NCAM2: variants seen among roughly 807,000 people sequenced by gnomAD.
The protein encoded by NCAM2 is N-CAM-2.
NCAM2 carries 30 observed loss-of-function variants against 98.1 expected under a neutral mutation model. The ratio of observed to expected loss-of-function variants is 0.31; its 90% confidence interval spans 0.23 to 0.41. The LOEUF is 0.41. NCAM2 is among the 10% of genes least tolerant of loss of function. The pLI, the probability that NCAM2 is intolerant of heterozygous loss-of-function variation, is 1.00. For synonymous variants in NCAM2, 368 were observed against 342.4 expected (o/e 1.07, Z -0.83); for missense variants, 867 against 1,005.8 (o/e 0.86, Z 1.87).
chr21:21,390,449 A>G (rs1463855608), intron 9 of NCAM2, among the ~76,000 whole-genome samples: 1 of 152,096 alleles, frequency 6.6e-6, no homozygotes, highest in Non-Finnish European at 1.5e-5. Context: ...TTTGCTTCAG[A>G]GCTGAGAATA....
At chr21:21,502,247 ACT>A (rs1465198231) in intron 15 of NCAM2, among the ~76,000 whole-genome samples, 1 of 151,804 alleles carries the variant, frequency 6.6e-6, no homozygotes, top group African/African-American at 2.4e-5. Context: ...ATTTTTTGAA[ACT>A]CTAAAGAACA....
At chr21:21,311,312 A>G (rs551347533) in intron 5 of NCAM2, among the ~76,000 whole-genome samples, 1 of 151,198 alleles carries the variant, frequency 6.6e-6, no homozygotes, top group South Asian at 2.1e-4. Flanking sequence ...ACTTTATGCA[A>G]AAGATGGTTA....
At chr21:21,244,149 T>G (rs1305919839) in intron 1 of NCAM2, among the ~76,000 whole-genome samples, 1 of 152,134 alleles carries the variant, frequency 6.6e-6, no homozygotes, top group East Asian at 1.9e-4. Flanking sequence ...TGGCAAGTCC[T>G]TGAACAAGGA....
Position 21,175,871 on chromosome 21 carries a change from T to C in NCAM2, c.56-104707T>C, listed in dbSNP as rs968193549. Among the ~76,000 whole-genome samples the C allele has an allele frequency of 4.1e-4, 63 of 152,194 alleles. 2 individuals carry two copies. Among genetic ancestry groups the C allele is most frequent in the African/African-American group, 2.4e-5 (1 of 41,456 alleles). On this transcript the variant is annotated intron_variant, in intron 1 of 17. Coordinates refer to ENST00000400546, the MANE Select transcript of NCAM2 (RefSeq NM_004540.5). ...GATTCCTAAAATGAATAACCTAACATTTCCATCTGATCCCCAAAACAACCA... is the reference window on the plus strand; with the variant it reads ...GATTCCTAAAATGAATAACCTAACACTTCCATCTGATCCCCAAAACAACCA...
chr21:21,079,279 G>T (rs9653677), intron 1 of NCAM2, among the ~76,000 whole-genome samples: 5,635 of 150,744 alleles, frequency 0.037, 329 homozygotes, highest in African/African-American at 0.13. Context: ...TTTCATCTTA[G>T]AGATGATTTT....
At chr21:21,084,728 A>G (rs896866697) in intron 1 of NCAM2, among the ~76,000 whole-genome samples, 8 of 152,050 alleles carry the variant, frequency 5.3e-5, no homozygotes, top group African/African-American at 1.9e-4. Context: ...AGGGAATGTT[A>G]TTTTTTCCCC....
At chr21:21,246,885 A>T (rs2071290281) in intron 1 of NCAM2, among the ~76,000 whole-genome samples, 1 of 152,202 alleles carries the variant, frequency 6.6e-6, no homozygotes, top group Non-Finnish European at 1.5e-5. Context: ...ATAGCTAGTG[A>T]GTGGCTAGTA....
chr21:21,265,495 TAA>T (rs2072227787), intron 1 of NCAM2, among the ~76,000 whole-genome samples: 2 of 142,006 alleles, frequency 1.4e-5, no homozygotes, highest in Admixed American at 1.4e-4. Flanking sequence ...TACACATATA[TAA>T]TATATGTGTG....
Position 21,335,606 on chromosome 21 carries a change from T to A in NCAM2, c.839T>A (p.Val280Asp). The A allele has an allele frequency of 3.7e-6, 6 of 1,611,688 alleles. No homozygotes were observed. The highest frequency in any genetic ancestry group is 5.1e-6 in the Non-Finnish European group (6 of 1,178,800). ...ATCAATAGTGATGGTGGTCCTTATG[T>A]CTGCAGGGCCACAAATAAGGCAGGA... ...NIINSDGGPY[V>D]CRATNKAGED... Residue 280 changes from valine to aspartate, a missense_variant, in exon 7 of 18, where the codon GTC (valine) becomes GAC (aspartate). Physicochemically the swap from Val to Asp is radical, Grantham distance 152. Coordinates refer to ENST00000400546, the MANE Select transcript of NCAM2 (RefSeq NM_004540.5).
chr21:21,303,808 G>A (rs866843571), intron 5 of NCAM2, among the ~76,000 whole-genome samples: 1 of 152,196 alleles, frequency 6.6e-6, no homozygotes. Context: ...TTTATGTTTA[G>A]ACATCCTAAT....
intron 1 of NCAM2, among the ~76,000 whole-genome samples, chr21:21,101,027 A>G (rs914631040): frequency 0.019 from 1 of 52 alleles, no homozygotes; most frequent in African/African-American, 0.17. Flanking sequence ...GTGGTATTTG[A>G]GGACACACCT....
At chr21:21,221,586 T>C (rs2070164982) in intron 1 of NCAM2, among the ~76,000 whole-genome samples, 1 of 152,204 alleles carries the variant, frequency 6.6e-6, no homozygotes, top group Non-Finnish European at 1.5e-5. Context: ...TAATATTCCC[T>C]TAAGCCATTG....
In NCAM2 at chr21:21,521,943, G is replaced by A. The variant is rs9983343; in HGVS notation, c.2283-12594G>A. ...AATTCAAATGTGTAAATTCAAACATGTAAAAAGAAAATGCCCACATATATA... is the reference window on the plus strand; with the variant it reads ...AATTCAAATGTGTAAATTCAAACATATAAAAAGAAAATGCCCACATATATA... On this transcript the variant is annotated intron_variant, in intron 16 of 17. Transcript: ENST00000400546. Among the ~76,000 whole-genome samples, 1,026 of 150,970 alleles carry A rather than the reference G, an allele frequency of 6.8e-3. 11 individuals carry two copies. The highest frequency in any genetic ancestry group is 0.024 in the African/African-American group (987 of 41,266).
chr21:21,386,432 T>TA (rs895151917), intron 9 of NCAM2, among the ~76,000 whole-genome samples: 3 of 152,168 alleles, frequency 2.0e-5, no homozygotes, highest in African/African-American at 7.2e-5. Context: ...TTTGCAGACA[T>TA]AAATTGGTTC....
At chr21:21,384,738 T>C (rs914802271) in intron 9 of NCAM2, among the ~76,000 whole-genome samples, 7 of 152,146 alleles carry the variant, frequency 4.6e-5, no homozygotes, top group Middle Eastern at 3.5e-3. Flanking sequence ...AATTCACTTA[T>C]GGTAAATTAT....
At chr21:21,336,907 T>G (rs2147867682) in intron 7 of NCAM2, among the ~76,000 whole-genome samples, 1 of 152,264 alleles carries the variant, frequency 6.6e-6, no homozygotes, top group South Asian at 2.1e-4. Context: ...AGGATAATGT[T>G]TAGGTGATGT....
chr21:21,468,374 T>C (rs909176056), intron 13 of NCAM2, among the ~76,000 whole-genome samples: 1 of 152,004 alleles, frequency 6.6e-6, no homozygotes, highest in Non-Finnish European at 1.5e-5. Flanking sequence ...AAATAAAGTT[T>C]TACATTTGTG....
chr21:21,212,757 T>C (rs2069708951), intron 1 of NCAM2, among the ~76,000 whole-genome samples: 1 of 151,102 alleles, frequency 6.6e-6, no homozygotes, highest in Admixed American at 6.6e-5. Flanking sequence ...TTTTTTTTTT[T>C]TTTGAAGTGG....
chr21:21,441,169 C>A (rs1979207043), intron 12 of NCAM2, among the ~76,000 whole-genome samples: 1 of 152,130 alleles, frequency 6.6e-6, no homozygotes, highest in Non-Finnish European at 1.5e-5. Flanking sequence ...AACTTTAATG[C>A]AGTTTTCATG....
Sources: gnomAD v4.1 joint callset for allele counts (sites outside exome capture counted in the v4.1 genomes callset) on GRCh38, gnomAD v4.1.1 for gene constraint, MANE v1.5 for transcripts, NCBI Gene and HGNC (gene_info 2026-07-23, HGNC 2026-07-21) for gene names.